DIAPH3: variants seen among roughly 807,000 people sequenced by gnomAD.
DIAPH3 encodes diaphanous related formin 3.
A neutral mutation model predicts 144.3 loss-of-function variants in DIAPH3; 117 were observed. The ratio of observed to expected loss-of-function variants is 0.81; its 90% confidence interval spans 0.70 to 0.95. DIAPH3 has a LOEUF of 0.95. Among genes scored for constraint, DIAPH3 ranks in the 40% least tolerant of loss-of-function variants. The pLI, the probability that DIAPH3 is intolerant of heterozygous loss-of-function variation, is 0.00. For missense variants in DIAPH3, 1,421 were observed against 1,412.7 expected (o/e 1.01, Z -0.09); for synonymous variants, 519 against 488.9 (o/e 1.06, Z -0.81).
At chr13:60,151,236 A>G (rs1022946362) in intron 1 of DIAPH3, among the ~76,000 whole-genome samples, 3 of 152,198 alleles carry the variant, frequency 2.0e-5, no homozygotes, top group Non-Finnish European at 2.9e-5. Context: ...TGCTGTGCCT[A>G]AGCTATCGTA....
intron 24 of DIAPH3, among the ~76,000 whole-genome samples, chr13:59,829,304 T>C (rs959208503): frequency 3.9e-5 from 6 of 151,970 alleles, no homozygotes; most frequent in African/African-American, 1.4e-4. Flanking sequence ...TTTTCTTCTA[T>C]TGGGAGAGGG....
intron 25 of DIAPH3, among the ~76,000 whole-genome samples, chr13:59,784,226 G>T (rs796381282): frequency 3.3e-5 from 5 of 151,886 alleles, no homozygotes; most frequent in South Asian, 2.1e-4. Context: ...GGGACTACAG[G>T]TGCACGCCAC....
At chr13:59,872,051 A>G (rs2044312882) in intron 21 of DIAPH3, among the ~76,000 whole-genome samples, 1 of 151,978 alleles carries the variant, frequency 6.6e-6, no homozygotes, top group South Asian at 2.1e-4. Flanking sequence ...GATTTTCTCT[A>G]TTAATTTTCT....
intron 1 of DIAPH3, among the ~76,000 whole-genome samples, chr13:60,151,483 C>T (rs996760537): frequency 1.3e-5 from 2 of 152,042 alleles, no homozygotes; most frequent in African/African-American, 2.4e-5. Flanking sequence ...CTTTACATAC[C>T]CTTGCCCACC....
chr13:60,006,332 A>G (rs565245351), intron 9 of DIAPH3, among the ~76,000 whole-genome samples: 3 of 152,314 alleles, frequency 2.0e-5, no homozygotes, highest in African/African-American at 7.2e-5. Context: ...CTTCCCTTAC[A>G]GTTTAAAACC....
intron 24 of DIAPH3, among the ~76,000 whole-genome samples, chr13:59,812,282 A>G (rs2040525480): frequency 6.6e-6 from 1 of 151,522 alleles, no homozygotes; most frequent in African/African-American, 2.4e-5. Flanking sequence ...CCATCCATCC[A>G]TCCATCCATC....
intron 1 of DIAPH3, among the ~76,000 whole-genome samples, chr13:60,159,108 T>A (rs1168365124): frequency 2.6e-5 from 4 of 152,130 alleles, no homozygotes; most frequent in Admixed American, 6.6e-5. Flanking sequence ...GGATTTCATC[T>A]GTACTCAAAT....
intron 25 of DIAPH3, among the ~76,000 whole-genome samples, chr13:59,784,716 A>T (rs1277573757): frequency 1.3e-5 from 2 of 152,126 alleles, no homozygotes; most frequent in African/African-American, 4.8e-5. Context: ...TGACGTGAAG[A>T]TTACAATCTG....
chr13:60,112,672 T>C (rs1255907242), intron 2 of DIAPH3, among the ~76,000 whole-genome samples: 1 of 152,192 alleles, frequency 6.6e-6, no homozygotes, highest in Non-Finnish European at 1.5e-5. Flanking sequence ...ATTCTACTTA[T>C]ATCTTCATAG....
intron 27 of DIAPH3, among the ~76,000 whole-genome samples, chr13:59,691,111 T>C (rs2033494805): frequency 6.6e-6 from 1 of 152,118 alleles, no homozygotes; most frequent in Non-Finnish European, 1.5e-5. Context: ...TAAAAGGGTC[T>C]GGTGTTTAGG....
chr13:60,073,265 C>T (rs953179322), intron 4 of DIAPH3, among the ~76,000 whole-genome samples: 2 of 150,960 alleles, frequency 1.3e-5, no homozygotes, highest in Non-Finnish European at 2.9e-5. Context: ...GCCGAGGCGG[C>T]GCCACTGCAC....
intron 2 of DIAPH3, among the ~76,000 whole-genome samples, chr13:60,116,544 A>G (rs1594709512): frequency 2.0e-5 from 3 of 152,178 alleles, no homozygotes; most frequent in East Asian, 3.9e-4. Flanking sequence ...GATAATATCA[A>G]TTCCTAAGCA....
At chr13:59,907,009 G>A (rs1180332698) in intron 20 of DIAPH3, among the ~76,000 whole-genome samples, 1 of 152,180 alleles carries the variant, frequency 6.6e-6, no homozygotes, top group Non-Finnish European at 1.5e-5. Context: ...TCAACCCTTG[G>A]TAAGTAGGTA....
chr13:59,828,338 C>A (rs978671147), intron 24 of DIAPH3, among the ~76,000 whole-genome samples: 1 of 151,970 alleles, frequency 6.6e-6, no homozygotes, highest in Non-Finnish European at 1.5e-5. Flanking sequence ...AAACATTCTT[C>A]TATCATGAAC....
At position 59,810,845 on chromosome 13, in the gene DIAPH3, C is replaced by T. The variant is rs780755716; in HGVS notation, c.3106G>A (p.Glu1036Lys). Reference protein sequence around the residue: ...KRVRIAKELAERERLERQQKK... With the variant: ...KRVRIAKELAKRERLERQQKK... ...TGTTGGCGTTCGAGTCTTTCTCGCT[C>T]TGCTAATTCTTTAGCTATTCTGACA... is the stretch of plus-strand genomic sequence containing the variant. Residue 1036 changes from glutamate to lysine, a missense_variant, in exon 25 of 28, where the codon GAG becomes AAG. Coordinates refer to ENST00000400324, the MANE Select transcript of DIAPH3 (RefSeq NM_001042517.2). 2 of 1,613,536 alleles carry T rather than the reference C, an allele frequency of 1.2e-6. No individual in the cohort carries two copies. Among genetic ancestry groups the T allele is most frequent in the Non-Finnish European group, 1.7e-6 (2 of 1,179,926 alleles).
At chr13:59,820,204 C>T (rs2040989259) in intron 24 of DIAPH3, among the ~76,000 whole-genome samples, 1 of 151,742 alleles carries the variant, frequency 6.6e-6, no homozygotes, top group Admixed American at 6.6e-5. Flanking sequence ...TTTCATAGTT[C>T]CTATAAGAAT....
chr13:60,077,418 C>G (rs1594599444), intron 4 of DIAPH3, among the ~76,000 whole-genome samples: 1 of 152,050 alleles, frequency 6.6e-6, no homozygotes, highest in East Asian at 1.9e-4. Context: ...TAAGGAAAAT[C>G]AAAATATGAG....
rs147610548 is a variant in DIAPH3, at chr13:60,033,485, G to C, written c.626+9205C>G. Among the ~76,000 whole-genome samples the C allele has an allele frequency of 3.3e-5, 5 of 152,316 alleles. No homozygotes were observed. The East Asian group carries it at 5.8e-4, about 18-fold the overall frequency. On this transcript the variant is annotated intron_variant, in intron 5 of 27. Transcript: ENST00000400324. Reference sequence around the variant, plus strand: ...ACACCAGCATCTGCTTGCCTTCTGGGTCGGCCTTAGGAAGCTTGGTGGAAG... The same window carrying C: ...ACACCAGCATCTGCTTGCCTTCTGGCTCGGCCTTAGGAAGCTTGGTGGAAG...
At chr13:59,786,766 G>T (rs2039052476) in intron 25 of DIAPH3, among the ~76,000 whole-genome samples, 1 of 152,178 alleles carries the variant, frequency 6.6e-6, no homozygotes, top group Admixed American at 6.5e-5. Context: ...TGTGTTTAGG[G>T]AGAGGGGGTA....
Sources: gnomAD v4.1 joint callset for allele counts (sites outside exome capture counted in the v4.1 genomes callset) on GRCh38, gnomAD v4.1.1 for gene constraint, MANE v1.5 for transcripts, NCBI Gene and HGNC (gene_info 2026-07-23, HGNC 2026-07-21) for gene names.